The following NDST2 variants were observed in gnomAD, a reference collection of about 807,000 sequenced individuals.
NDST2 encodes bifunctional heparan sulfate N-deacetylase/N-sulfotransferase 2.
In NDST2, 32 loss-of-function variants were observed where a neutral mutation model predicts 86.9. The ratio of observed to expected loss-of-function variants is 0.37; its 90% CI spans 0.28 to 0.49. The LOEUF (loss-of-function observed/expected upper bound fraction) is 0.49. NDST2 is among the 20% of genes least tolerant of loss of function. The pLI is 0.97. For missense variants in NDST2, 950 were observed against 1,146.9 expected (o/e 0.83, Z 2.48); for synonymous variants, 409 against 437.0 (o/e 0.94, Z 0.80).
chr10:73,807,671 C>T lies in NDST2; in HGVS notation c.718G>A (p.Val240Met). ...FQSNHSTYEP[V>M]LLASLRPAEP... Reference sequence around the variant, plus strand: ...GCTGGCCGAAGGCTGGCAAGAAGCACTGGTTCATATGTACTATGATTGGAT... The same window carrying T: ...GCTGGCCGAAGGCTGGCAAGAAGCATTGGTTCATATGTACTATGATTGGAT... The change falls in exon 3 of 15, where the codon GTG becomes ATG. Residue 240 changes from valine (V) to methionine (M), a missense_variant. Coordinates refer to ENST00000309979, the MANE Select transcript of NDST2 (RefSeq NM_003635.4). The T allele has an allele frequency of 6.2e-7, 1 of 1,614,234 alleles. No individual in the cohort carries two copies. The highest frequency in any genetic ancestry group is 8.5e-7 in the Non-Finnish European group (1 of 1,180,044).
In NDST2 at chr10:73,808,212, C is replaced by T. The variant is rs1384574554; in HGVS notation, c.177G>A (p.Gly59=). 7.4e-6 allele frequency: 12 copies of T among 1,613,120 alleles called. No homozygotes were observed. The highest frequency in any genetic ancestry group is 9.3e-6 in the Non-Finnish European group (11 of 1,179,584). The change falls in exon 3 of 15, where the codon GGG becomes GGA. Residue 59 remains glycine, a synonymous_variant. Coordinates refer to ENST00000309979, the MANE Select transcript of NDST2 (RefSeq NM_003635.4). This position sits in a 1 kb window ranked among gnomAD's most constrained non-coding sequence, Gnocchi z 4.3. ...GCCGTGCAGGGCCAGGACCAGCTGC[C>T]CCACCGCTGCTGCAGTCTCCCAAGG... ...PLPLGDCSSG[G]AAGPGPARPP... is the part of the protein sequence containing the mutation.
rs1166344331 is a variant in NDST2 at position 73,806,039 on chromosome 10, A to G, written c.1435-11T>C. On this transcript the variant is annotated splice_polypyrimidine_tract_variant and intron_variant, in intron 6 of 14. Transcript: ENST00000309979. This position sits in a 1 kb window ranked among gnomAD's most constrained non-coding sequence, Gnocchi z 4.5. Reference sequence around the variant, plus strand: ...CTGCCGGGGCAGCACCTGGAGGGAAAAGAAAAAACAGATGAGATTTGAAAG... The same window carrying G: ...CTGCCGGGGCAGCACCTGGAGGGAAGAGAAAAAACAGATGAGATTTGAAAG... The G allele has an allele frequency of 2.5e-6, 4 of 1,612,038 alleles. No homozygotes were observed. In the African/African-American group the frequency reaches 5.4e-5, roughly 22 times the overall value.
At chr10:73,802,902 C>CT (rs774868518) in intron 13 of NDST2, 70 bp downstream of exon 13, 8 of 1,538,768 alleles carry the variant, frequency 5.2e-6, no homozygotes, top group East Asian at 2.2e-5. Flanking sequence ...ATCTATGTCT[C>CT]TAACAGACAT....
Position 73,807,419 on chromosome 10 carries a change from T to C in NDST2, c.970A>G (p.Lys324Glu), listed in dbSNP as rs1420663734. 6.2e-7 allele frequency: 1 copy of C among 1,614,070 alleles called. No homozygotes were observed. Among genetic ancestry groups the C allele is most frequent in the Non-Finnish European group, 8.5e-7 (1 of 1,180,050 alleles). Residue 324 changes from lysine (K) to glutamate (E), a missense_variant, in exon 3 of 15, where the codon AAG becomes GAG. Lys to Glu is a moderately conservative substitution (Grantham distance 56). Coordinates refer to ENST00000309979, the MANE Select transcript of NDST2 (RefSeq NM_003635.4). Reference protein sequence around the residue: ...LVDIDDIFVGKEGTRMKVADV... With the variant: ...LVDIDDIFVGEEGTRMKVADV... ...GCCACCTTCATGCGGGTCCCTTCCT[T>C]GCCCACAAAGATGTCATCGATGTCT... is the stretch of plus-strand genomic sequence containing the variant.
At chr10:73,810,221 G>A (rs1375748347) in intron 2 of NDST2, among the ~76,000 whole-genome samples, 3 of 152,146 alleles carry the variant, frequency 2.0e-5, no homozygotes, top group Non-Finnish European at 2.9e-5. Context: ...CACTGTGAAA[G>A]GCCGAAGCGG....
intron 8 of NDST2, 79 bp from the exon 9 acceptor site, chr10:73,804,948 C>T: frequency 1.3e-6 from 1 of 792,280 alleles, no homozygotes; most frequent in Non-Finnish European, 2.1e-6. Flanking sequence ...GTTGCCCAGG[C>T]TGGAGTGCAA....
rs373609868 is a variant in NDST2, at chr10:73,806,497, C to A, written c.1249-23G>T. ...CTCCTGGGAATGGCATAGACTCTCA[C>A]CAGGACCTGGTGAGGTTTGGGGAGT... On this transcript the variant is annotated intron_variant, in intron 5 of 14. Coordinates refer to ENST00000309979, the MANE Select transcript of NDST2 (RefSeq NM_003635.4). This position sits in a 1 kb window ranked among gnomAD's most constrained non-coding sequence, Gnocchi z 4.5. 26 of 1,567,552 alleles carry A rather than the reference C, an allele frequency of 1.7e-5. No individual in the cohort carries two copies. Among genetic ancestry groups the A allele is most frequent in the Non-Finnish European group, 2.1e-5 (24 of 1,154,918 alleles).
At position 73,808,248 on chromosome 10, in the gene NDST2, G is replaced by A; in HGVS notation, c.141C>T (p.Pro47=). 2 of 1,609,284 alleles carry A rather than the reference G, an allele frequency of 1.2e-6. No homozygotes were observed. The highest frequency in any genetic ancestry group is 1.7e-6 in the Non-Finnish European group (2 of 1,177,822). The stretch of plus-strand genomic sequence containing the variant: ...TGCAGTCTCCCAAGGGCAGGGGCAA[G>A]GGTTCCTTGGCCTTAGGGCTGGTGG... ...YVSTSPKAKE[P]LPLPLGDCSS... Residue 47 remains proline, a synonymous_variant, in exon 3 of 15, where the codon CCC becomes CCT. Coordinates refer to ENST00000309979, the MANE Select transcript of NDST2 (RefSeq NM_003635.4). The surrounding 1 kb of genome is among the most constrained non-coding windows in gnomAD (Gnocchi z 4.3).
In NDST2 at chr10:73,806,774, C is replaced by T. The variant is rs2084111213; in HGVS notation, c.1131G>A (p.Leu377=). ...EEEDAGDDML[L]KHRKEFWWFP... is the part of the protein sequence containing the mutation. ...ACCACCAGAACTCTTTGCGGTGCTT[C>T]AGCAGCATGTCGTCCCCTGCATCCT... is the stretch of plus-strand genomic sequence containing the variant. Residue 377 remains leucine, a synonymous_variant, in exon 5 of 15, where the codon CTG becomes CTA. Coordinates refer to ENST00000309979, the MANE Select transcript of NDST2 (RefSeq NM_003635.4). The surrounding 1 kb of genome is among the most constrained non-coding windows in gnomAD (Gnocchi z 4.5). 2 of 1,614,200 alleles carry T rather than the reference C, an allele frequency of 1.2e-6. No individual in the cohort carries two copies. Among genetic ancestry groups the T allele is most frequent in the Non-Finnish European group, 1.7e-6 (2 of 1,180,022 alleles).
chr10:73,810,225 G>A (rs562943248), intron 2 of NDST2, among the ~76,000 whole-genome samples: 9 of 152,072 alleles, frequency 5.9e-5, no homozygotes, highest in African/African-American at 9.7e-5. Flanking sequence ...GTGAAAGGCC[G>A]AAGCGGGTGA....
Position 73,806,962 on chromosome 10 carries a change from A to T in NDST2, c.1093+146T>A. 1.4e-6 allele frequency: 2 copies of T among 1,450,484 alleles called. No individual in the cohort carries two copies. The highest frequency in any genetic ancestry group is 1.9e-6 in the Non-Finnish European group (2 of 1,047,522). 89.9% of individuals were successfully genotyped at this position (1,450,484 alleles called of 1,614,324 possible). On this transcript the variant is annotated intron_variant, in intron 4 of 14. Coordinates refer to ENST00000309979, the MANE Select transcript of NDST2 (RefSeq NM_003635.4). The surrounding 1 kb of genome is among the most constrained non-coding windows in gnomAD (Gnocchi z 4.5). ...ACTTGCCATCCAGCCACCCATGCGA[A>T]CCTAAATTCATGCCCACCACTAGCT...
At position 73,803,217 on chromosome 10, in the gene NDST2, C is replaced by T. The variant is rs373911844; in HGVS notation, c.2285G>A (p.Arg762His). The T allele has an allele frequency of 4.0e-5, 65 of 1,614,008 alleles. No individual in the cohort carries two copies. The highest frequency in any genetic ancestry group is 4.9e-5 in the Non-Finnish European group (58 of 1,180,040). Residue 762 changes from arginine to histidine, a missense_variant, in exon 12 of 15, where the codon CGC (arginine) becomes CAC (histidine). Coordinates refer to ENST00000309979, the MANE Select transcript of NDST2 (RefSeq NM_003635.4). ...VPGYYSTHLQ[R>H]WLTYYPSGQL... Reference sequence around the variant, plus strand: ...TCCAGAGGGGTAGTAAGTCAGCCAGCGTTGTAGATGGGTAGAATAGTAGCC... The same window carrying T: ...TCCAGAGGGGTAGTAAGTCAGCCAGTGTTGTAGATGGGTAGAATAGTAGCC...
Position 73,807,191 on chromosome 10 carries a change from A to G in NDST2, c.1010T>C (p.Leu337Pro). 1 of 1,613,910 alleles carries G rather than the reference A, an allele frequency of 6.2e-7. No homozygotes were observed. Among genetic ancestry groups the G allele is most frequent in the Non-Finnish European group, 8.5e-7 (1 of 1,179,790 alleles). ...CCTGAGTTTGTTCTGGGTGGTCAACAGAGCCTGGGAAGAGTAGCAGGGACA... is the reference window on the plus strand; with the variant it reads ...CCTGAGTTTGTTCTGGGTGGTCAACGGAGCCTGGGAAGAGTAGCAGGGACA... ...TRMKVADVEA[L>P]LTTQNKLRTL... The change falls in exon 4 of 15, where the codon CTG becomes CCG. Residue 337 changes from leucine to proline, a missense_variant. Physicochemically the swap from Leu to Pro is moderately conservative, Grantham distance 98. Coordinates refer to ENST00000309979, the MANE Select transcript of NDST2 (RefSeq NM_003635.4).
Position 73,804,816 on chromosome 10 carries a change from A to G in NDST2, c.1800T>C (p.Cys600=), listed in dbSNP as rs756820143. The part of the protein sequence containing the change: ...HKDIWSKEKT[C]DRLPKFLIVG... ...CAATGAGGAACTTCGGGAGACGATC[A>G]CAGGTTTTCTCCTTGGACCAGATAT... Residue 600 remains cysteine, a synonymous_variant, in exon 9 of 15, where the codon TGT becomes TGC. Coordinates refer to ENST00000309979, the MANE Select transcript of NDST2 (RefSeq NM_003635.4). 5.0e-6 allele frequency: 8 copies of G among 1,613,438 alleles called. No homozygotes were observed. Among genetic ancestry groups the G allele is most frequent in the African/African-American group, 1.3e-5 (1 of 74,848 alleles).
At position 73,806,887 on chromosome 10, in the gene NDST2, A is replaced by G; in HGVS notation, c.1094-76T>C. ...CCTTTATTTTGTAACAACACTGACC[A>G]CCTTCCATCCCTGATCCTTGCCTAA... On this transcript the variant is annotated intron_variant, in intron 4 of 14. Coordinates refer to ENST00000309979, the MANE Select transcript of NDST2 (RefSeq NM_003635.4). The surrounding 1 kb of genome is among the most constrained non-coding windows in gnomAD (Gnocchi z 4.5). 1 of 1,578,816 alleles carries G rather than the reference A, an allele frequency of 6.3e-7. No individual in the cohort carries two copies. The highest frequency in any genetic ancestry group is 2.3e-5 in the East Asian group (1 of 44,358).
rs1452172938 is a variant in NDST2 at position 73,803,985 on chromosome 10, C to T, written c.1875G>A (p.Leu625=). Residue 625 remains leucine (L), a synonymous_variant, in exon 10 of 15, where the codon CTG becomes CTA. Coordinates refer to ENST00000309979, the MANE Select transcript of NDST2 (RefSeq NM_003635.4). ...GTTAIHFFLS[L]HPAVTSSFPS... is the part of the protein sequence containing the mutation. ...GGAAGCTGCTAGTTACAGCTGGGTG[C>T]AGGCTCAGGAAGAAGTGAATAGCTG... The T allele has an allele frequency of 2.5e-6, 4 of 1,614,054 alleles. No homozygotes were observed. Among genetic ancestry groups the T allele is most frequent in the Non-Finnish European group, 3.4e-6 (4 of 1,180,016 alleles).
intron 11 of NDST2, 54 bp from the exon 12 acceptor site, chr10:73,803,413 C>T: frequency 1.9e-6 from 3 of 1,603,576 alleles, no homozygotes; most frequent in Non-Finnish European, 2.6e-6. Context: ...AGTATTCTGC[C>T]CTTACGCTTG....
At position 73,806,227 on chromosome 10, in the gene NDST2, T is replaced by C. The variant is rs1326038110; in HGVS notation, c.1434+62A>G. On this transcript the variant is annotated intron_variant, in intron 6 of 14. Transcript: ENST00000309979. This position sits in a 1 kb window ranked among gnomAD's most constrained non-coding sequence, Gnocchi z 4.5. Reference sequence around the variant, plus strand: ...GCAGTTGATAGAGAACATAGGTCAATGCATGTTGAAAGCTGTCTAAATGTT... The same window carrying C: ...GCAGTTGATAGAGAACATAGGTCAACGCATGTTGAAAGCTGTCTAAATGTT... 6.3e-7 allele frequency: 1 copy of C among 1,597,834 alleles called. No homozygotes were observed. Among genetic ancestry groups the C allele is most frequent in the Non-Finnish European group, 8.6e-7 (1 of 1,167,154 alleles).
rs1386675498 is a variant in NDST2 at position 73,806,142 on chromosome 10, G to A, written c.1435-114C>T. ...AAGTTATAGCAATAAAGCTCTTACT[G>A]AGGGTGTTAAAATTTTTTCACCTTT... On this transcript the variant is annotated intron_variant, in intron 6 of 14. Coordinates refer to ENST00000309979, the MANE Select transcript of NDST2 (RefSeq NM_003635.4). This position sits in a 1 kb window ranked among gnomAD's most constrained non-coding sequence, Gnocchi z 4.5. The A allele has an allele frequency of 3.9e-6, 6 of 1,529,950 alleles. No individual in the cohort carries two copies. In the East Asian group the frequency reaches 1.1e-4, roughly 29 times the overall value. 94.8% of individuals were successfully genotyped at this position (1,529,950 alleles called of 1,614,324 possible). A position where few individuals can be genotyped will look rare whatever the true frequency, so the allele number is the denominator to read the frequency against.
Sources: gnomAD v4.1 joint callset for allele counts (sites outside exome capture counted in the v4.1 genomes callset) on GRCh38, gnomAD v4.1.1 for gene constraint, Gnocchi (gnomAD v3.1) non-coding constraint, MANE v1.5 for transcripts, NCBI Gene and HGNC (gene_info 2026-07-23, HGNC 2026-07-21) for gene names.